Variants in KLHL1 observed in about 807,000 individuals in gnomAD.
KLHL1 encodes kelch-like protein 1.
In KLHL1, 47 loss-of-function variants were observed where a neutral mutation model predicts 77.7. That is an observed-to-expected ratio of 0.60 (90% confidence interval 0.48 to 0.77). KLHL1 has a LOEUF of 0.77. Ranked by LOEUF, KLHL1 falls within the 30% of genes least tolerant of loss-of-function variation. The pLI is 0.00. For synonymous variants in KLHL1, 360 were observed against 325.2 expected (o/e 1.11, Z -1.15); for missense variants, 925 against 910.8 (o/e 1.02, Z -0.20).
At chr13:69,797,634 C>T (rs1416848593) in intron 6 of KLHL1, among the ~76,000 whole-genome samples, 2 of 147,068 alleles carry the variant, frequency 1.4e-5, no homozygotes, top group Non-Finnish European at 3.0e-5. Context: ...GGCTAATTAA[C>T]GGTGAAACCC....
chr13:70,010,911 T>TAAAATAA (rs1555290288), intron 1 of KLHL1, among the ~76,000 whole-genome samples: 126 of 147,714 alleles, frequency 8.5e-4, no homozygotes, highest in African/African-American at 3.1e-3. Context: ...ATAATAATAA[T>TAAAATAA]AATAAAATAA....
chr13:69,765,050 C>A (rs1455168977), intron 7 of KLHL1, among the ~76,000 whole-genome samples: 1 of 141,224 alleles, frequency 7.1e-6, no homozygotes, highest in East Asian at 2.3e-4. Flanking sequence ...CTCCCAGGTT[C>A]AAGTGATTCT....
chr13:69,878,956 A>C (rs759809181), intron 5 of KLHL1, among the ~76,000 whole-genome samples: 2 of 152,168 alleles, frequency 1.3e-5, no homozygotes, highest in Non-Finnish European at 2.9e-5. Context: ...TTGTAGGGAC[A>C]TGGATGAAGC....
chr13:70,068,475 T>G (rs1360167930), intron 1 of KLHL1, among the ~76,000 whole-genome samples: 1 of 152,254 alleles, frequency 6.6e-6, no homozygotes, highest in Admixed American at 6.5e-5. Flanking sequence ...AATTACTTAT[T>G]TCTTATACAG....
chr13:69,977,660 C>T (rs1191135222), intron 1 of KLHL1, among the ~76,000 whole-genome samples: 1 of 151,992 alleles, frequency 6.6e-6, no homozygotes, highest in Admixed American at 6.6e-5. Context: ...GACTTAAACA[C>T]GTTTTAATCG....
chr13:69,951,365 A>C lies in KLHL1; in HGVS notation c.817+9943T>G, dbSNP rs200646320. On this transcript the variant is annotated intron_variant, in intron 3 of 10. Coordinates refer to ENST00000377844, the MANE Select transcript of KLHL1 (RefSeq NM_020866.3). ...ATCAGGAAACTAGAAGGGAGATAGA[A>C]AGTGGTAAGTATAAAAGAAGGCAAC... Among the ~76,000 whole-genome samples, 16 of 151,600 alleles carry C rather than the reference A, an allele frequency of 1.1e-4. No individual in the cohort carries two copies. In the East Asian group the frequency reaches 2.1e-3, roughly 20 times the overall value.
intron 2 of KLHL1, among the ~76,000 whole-genome samples, chr13:69,967,672 G>A (rs1419358306): frequency 2.6e-5 from 4 of 152,100 alleles, no homozygotes; most frequent in Non-Finnish European, 4.4e-5. Flanking sequence ...ATCACTTGAG[G>A]CCAGGAGTTC....
intron 7 of KLHL1, among the ~76,000 whole-genome samples, chr13:69,767,265 A>T (rs1460440732): frequency 1.3e-5 from 2 of 152,268 alleles, no homozygotes; most frequent in Non-Finnish European, 2.9e-5. Context: ...AAAAAAAATT[A>T]AAAACATGTA....
chr13:69,706,275 T>C (rs1206099310), intron 10 of KLHL1, among the ~76,000 whole-genome samples: 1 of 151,870 alleles, frequency 6.6e-6, no homozygotes, highest in Admixed American at 6.6e-5. Context: ...CTCCTTCTTT[T>C]TACTTACTTG....
chr13:70,058,468 C>A (rs1266007851), intron 1 of KLHL1, among the ~76,000 whole-genome samples: 2 of 152,060 alleles, frequency 1.3e-5, no homozygotes, highest in Non-Finnish European at 2.9e-5. Flanking sequence ...AAATACTAAT[C>A]CCACATATAG....
chr13:70,022,813 T>G (rs1272698871), intron 1 of KLHL1, among the ~76,000 whole-genome samples: 1 of 150,378 alleles, frequency 6.6e-6, no homozygotes, highest in African/African-American at 2.4e-5. Context: ...CTTTTTTTAA[T>G]GCCTTAATCT....
At chr13:70,066,597 C>T (rs9317873) in intron 1 of KLHL1, among the ~76,000 whole-genome samples, 43,184 of 152,030 alleles carry the variant, frequency 0.28, 6,905 homozygotes, top group East Asian at 0.67. Flanking sequence ...AGTCCTTCGT[C>T]GGTAATGAGA....
chr13:69,704,266 A>G (rs1875529977), intron 10 of KLHL1, among the ~76,000 whole-genome samples: 1 of 151,664 alleles, frequency 6.6e-6, no homozygotes, highest in Admixed American at 6.6e-5. Flanking sequence ...CAGTTGTTCA[A>G]GATAGAATCC....
At chr13:69,786,813 A>G (rs1191781438) in intron 7 of KLHL1, among the ~76,000 whole-genome samples, 1 of 152,234 alleles carries the variant, frequency 6.6e-6, no homozygotes, top group African/African-American at 2.4e-5. Context: ...GCAAAGTCTC[A>G]GGATACAAAA....
At chr13:70,029,816 A>G (rs901299139) in intron 1 of KLHL1, among the ~76,000 whole-genome samples, 1 of 152,212 alleles carries the variant, frequency 6.6e-6, no homozygotes, top group African/African-American at 2.4e-5. Context: ...GGCAAATTGG[A>G]TAGTCAAGAC....
At chr13:70,082,249 G>A (rs1192572044) in intron 1 of KLHL1, among the ~76,000 whole-genome samples, 1 of 150,624 alleles carries the variant, frequency 6.6e-6, no homozygotes, top group African/African-American at 2.4e-5. Context: ...TTATAGCAGT[G>A]CAAGAATGGA....
At chr13:69,827,654 C>T (rs1036240857) in intron 6 of KLHL1, among the ~76,000 whole-genome samples, 1 of 150,526 alleles carries the variant, frequency 6.6e-6, no homozygotes, top group Non-Finnish European at 1.5e-5. Flanking sequence ...CTCGTGAACC[C>T]CAGGAGTCAG....
intron 1 of KLHL1, among the ~76,000 whole-genome samples, chr13:69,997,738 A>G (rs61964200): frequency 2.4e-3 from 360 of 147,846 alleles, no homozygotes; most frequent in Middle Eastern, 7.2e-3. Flanking sequence ...TAATAAACAT[A>G]TTTATATTAT....
rs34483205 is a variant in KLHL1, at chr13:69,712,260, A to AT, written c.2016-4465dup. Among the ~76,000 whole-genome samples, 906 of 149,098 alleles carry AT rather than the reference A, an allele frequency of 6.1e-3. 9 individuals carry two copies. The highest frequency in any genetic ancestry group is 0.021 in the African/African-American group (872 of 40,650). Reference sequence around the variant, plus strand: ...CAGGTTAAGAAGTCTTTCACACCTCATTTTTTTTTTTTTAAGGCGATCTCC... The same window carrying AT: ...CAGGTTAAGAAGTCTTTCACACCTCATTTTTTTTTTTTTTAAGGCGATCTCC... On this transcript the variant is annotated intron_variant, in intron 9 of 10. Coordinates refer to ENST00000377844, the MANE Select transcript of KLHL1 (RefSeq NM_020866.3).
Sources: allele counts gnomAD v4.1 joint callset (sites outside exome capture counted in the v4.1 genomes callset), GRCh38; gene constraint gnomAD v4.1.1; transcripts MANE v1.5; gene names NCBI Gene and HGNC (gene_info 2026-07-23, HGNC 2026-07-21).